The following DIS3L variants were observed in gnomAD, a reference collection of about 807,000 sequenced individuals.
DIS3L encodes the protein DIS3-like exonuclease 1.
A neutral mutation model predicts 120.3 loss-of-function variants in DIS3L; 100 were observed. The ratio of observed to expected loss-of-function variants is 0.83; its 90% CI spans 0.71 to 0.98. The LOEUF (loss-of-function observed/expected upper bound fraction) is 0.98, where lower values mean the gene tolerates loss of function less well. DIS3L is among the 50% of genes least tolerant of loss of function. The pLI is 0.00. For missense variants in DIS3L, 1,196 were observed against 1,314.2 expected (o/e 0.91, Z 1.39); for synonymous variants, 426 against 470.6 (o/e 0.91, Z 1.23).
chr15:66,312,209 T>TAAA, intron 5 of DIS3L, among the ~76,000 whole-genome samples: 1 of 121,344 alleles, frequency 8.2e-6, no homozygotes, highest in South Asian at 2.7e-4. Context: ...CTGTCTCAAT[T>TAAA]AAAAAAAAAA....
intron 2 of DIS3L, among the ~76,000 whole-genome samples, chr15:66,302,583 G>A (rs1262276305): frequency 6.6e-6 from 1 of 152,140 alleles, no homozygotes; most frequent in East Asian, 1.9e-4. Flanking sequence ...TGGGGGTAAA[G>A]CACTGAAGTA....
chr15:66,320,868 A>G, intron 9 of DIS3L, 136 bp downstream of exon 9: 1 of 1,120,426 alleles, frequency 8.9e-7, no homozygotes, highest in Non-Finnish European at 1.2e-6. Flanking sequence ...AAAAATCTCA[A>G]TCCTCTTTAT....
chr15:66,297,072 G>GGA (rs2092595979), intron 2 of DIS3L, among the ~76,000 whole-genome samples: 1 of 152,152 alleles, frequency 6.6e-6, no homozygotes, highest in African/African-American at 2.4e-5. Flanking sequence ...AGCAAATTTG[G>GGA]GACTTGGCAC....
intron 2 of DIS3L, 39 bp from the exon 3 acceptor site, chr15:66,306,785 C>T: frequency 6.2e-7 from 1 of 1,611,476 alleles, no homozygotes; most frequent in Non-Finnish European, 8.5e-7. Flanking sequence ...TGGATGAGTA[C>T]CTGCTTTGTT....
chr15:66,314,075 G>T lies in DIS3L; in HGVS notation c.772G>T (p.Glu258Ter). 6.5e-7 allele frequency: 1 copy of T among 1,533,808 alleles called. No homozygotes were observed. The change falls in exon 6 of 17, where the codon GAA becomes TAA. Residue 258 changes from glutamate (E) to a stop codon, truncating the protein, a stop_gained. Transcript: ENST00000319212. LOFTEE classifies it high-confidence loss of function. ...TGTCAACAAACACAGAGCCCAAATA[G>T]AAGCTTTTGTTCGACTTCAAGGAGC... ...LNVNKHRAQI[E>*]AFVRLQGASS...
intron 12 of DIS3L, chr15:66,326,588 A>C: frequency 3.7e-6 from 2 of 534,082 alleles, no homozygotes; most frequent in Non-Finnish European, 3.2e-6. Flanking sequence ...TTTTTGTTTC[A>C]ATTTTTTTTT....
At chr15:66,301,578 A>T (rs1267154029) in intron 2 of DIS3L, among the ~76,000 whole-genome samples, 1 of 152,028 alleles carries the variant, frequency 6.6e-6, no homozygotes, top group Non-Finnish European at 1.5e-5. Flanking sequence ...ACCACACCTG[A>T]CCTGTACTTG....
Position 66,318,343 on chromosome 15 carries a change from T to C in DIS3L, c.995-106T>C, listed in dbSNP as rs1344619211. ...TTGGGTGGATGTGCTTGAAAAAAAA[T>C]AGGACACTGTATTTCTTGTTCTTTT... On this transcript the variant is annotated intron_variant, in intron 7 of 16. Transcript: ENST00000319212. 1.9e-5 allele frequency: 24 copies of C among 1,284,070 alleles called. 1 individual carries two copies. In the Middle Eastern group the frequency reaches 1.1e-3, roughly 58 times the overall value. The allele number at this position is 1,284,070 out of a possible 1,614,324, so 79.5% of individuals were successfully genotyped here.
intron 8 of DIS3L, 103 bp from the exon 9 acceptor site, chr15:66,320,468 T>C (rs2092870065): frequency 7.6e-7 from 1 of 1,314,862 alleles, no homozygotes; most frequent in South Asian, 1.6e-5. Flanking sequence ...CTGGCCACTC[T>C]CCTTGGAACC....
chr15:66,332,135 C>A (rs1282316649), intron 15 of DIS3L, 115 bp downstream of exon 15: 6 of 1,060,430 alleles, frequency 5.7e-6, no homozygotes, highest in Non-Finnish European at 7.8e-6. Flanking sequence ...ATCATATGTA[C>A]ATAATGTAAT....
intron 7 of DIS3L, among the ~76,000 whole-genome samples, chr15:66,317,008 G>A (rs1024376117): frequency 2.6e-5 from 4 of 152,126 alleles, no homozygotes; most frequent in African/African-American, 9.7e-5. Context: ...GTGACAACTT[G>A]TTCTTTCCAC....
chr15:66,311,633 A>G, intron 4 of DIS3L, 91 bp from the exon 5 acceptor site: 1 of 1,492,802 alleles, frequency 6.7e-7, no homozygotes, highest in Non-Finnish European at 9.2e-7. Context: ...ATGGCAGGCC[A>G]GCAATTCCTA....
At chr15:66,297,408 T>C (rs896464665) in intron 2 of DIS3L, among the ~76,000 whole-genome samples, 1 of 152,076 alleles carries the variant, frequency 6.6e-6, no homozygotes, top group Non-Finnish European at 1.5e-5. Flanking sequence ...CTGTGCAACA[T>C]AGTGAGACCC....
rs1021914858 is a variant in DIS3L at position 66,308,566 on chromosome 15, A to G, written c.423-143A>G. On this transcript the variant is annotated intron_variant, in intron 3 of 16. Coordinates refer to ENST00000319212, the MANE Select transcript of DIS3L (RefSeq NM_001143688.3). Reference sequence around the variant, plus strand: ...AGCACCCAGCCCAGGGCTTCTTTATAATGGATACTCCAGAAGTATTTGTTG... The same window carrying G: ...AGCACCCAGCCCAGGGCTTCTTTATGATGGATACTCCAGAAGTATTTGTTG... The G allele has an allele frequency of 5.5e-6, 6 of 1,098,360 alleles. No homozygotes were observed. The African/African-American group carries it at 6.2e-5, about 11-fold the overall frequency. 68.0% of individuals were successfully genotyped at this position (1,098,360 alleles called of 1,614,324 possible).
At chr15:66,326,418 TA>T in intron 12 of DIS3L, 54 bp downstream of exon 12, 1 of 1,533,194 alleles carries the variant, frequency 6.5e-7, no homozygotes, top group Non-Finnish European at 8.8e-7. Context: ...TATATTTAGT[TA>T]TCTTACAGTT....
intron 8 of DIS3L, 77 bp from the exon 9 acceptor site, chr15:66,320,494 C>T: frequency 6.7e-7 from 1 of 1,486,226 alleles, no homozygotes; most frequent in Middle Eastern, 1.8e-4. Flanking sequence ...TTGTTTGCCT[C>T]TTGTTTGTTT....
At chr15:66,308,589 T>G in intron 3 of DIS3L, 120 bp from the exon 4 acceptor site, 2 of 1,299,562 alleles carry the variant, frequency 1.5e-6, no homozygotes, top group Non-Finnish European at 1.0e-6. Flanking sequence ...GAAGTATTTG[T>G]TGAACGAATG....
chr15:66,323,075 C>G (rs2092902427), intron 10 of DIS3L, 141 bp downstream of exon 10: 2 of 968,610 alleles, frequency 2.1e-6, no homozygotes, highest in African/African-American at 1.7e-5. Context: ...GAGGTCCACT[C>G]TCCATTTTCC....
chr15:66,299,869 G>A (rs983996984), intron 2 of DIS3L, among the ~76,000 whole-genome samples: 1 of 152,044 alleles, frequency 6.6e-6, no homozygotes, highest in African/African-American at 2.4e-5. Context: ...TGGGCAACAC[G>A]GTGAAACCCA....
Sources: gnomAD v4.1 joint callset for allele counts (sites outside exome capture counted in the v4.1 genomes callset) on GRCh38, gnomAD v4.1.1 for gene constraint, MANE v1.5 for transcripts, NCBI Gene and HGNC (gene_info 2026-07-23, HGNC 2026-07-21) for gene names.